ZNF709: variants seen among roughly 807,000 people sequenced by gnomAD.
ZNF709 encodes zinc finger protein 709.
Under a neutral mutation model 10.6 loss-of-function variants are expected in ZNF709, and 15 were observed. The observed-to-expected ratio is 1.41, with a 90% CI of 0.95 to 2.18. ZNF709 has a LOEUF of 2.18. Ranked by LOEUF, ZNF709 falls within the 30% of genes most tolerant of loss-of-function variation. The pLI, the probability that ZNF709 is intolerant of heterozygous loss-of-function variation, is 0.00. For synonymous variants in ZNF709, 194 were observed against 238.8 expected (o/e 0.81, Z 1.73); for missense variants, 589 against 774.0 (o/e 0.76, Z 2.84).
At chr19:12,478,577 T>C (rs1970694739) in intron 1 of ZNF709, among the ~76,000 whole-genome samples, 1 of 152,242 alleles carries the variant, frequency 6.6e-6, no homozygotes, top group South Asian at 2.1e-4. Flanking sequence ...TAACAATTCC[T>C]GTGTCGTTCC....
At position 12,464,807 on chromosome 19, in the gene ZNF709, G is replaced by C. The variant is rs745848959; in HGVS notation, c.1115C>G (p.Ala372Gly). 2.1e-5 allele frequency: 34 copies of C among 1,613,348 alleles called. No homozygotes were observed. The South Asian group carries it at 2.4e-4, about 11-fold the overall frequency. Residue 372 changes from alanine to glycine, a missense_variant, in exon 4 of 4, where the codon GCC (alanine) becomes GGC (glycine). By Grantham distance (60) the Ala-to-Gly change is moderately conservative (BLOSUM62 0). Transcript: ENST00000397732. Reference sequence around the variant, plus strand: ...TTGAAAAGAACTAGGACAATCAAAGGCTTTCCCACATTCCTTGCATTTATA... The same window carrying C: ...TTGAAAAGAACTAGGACAATCAAAGCCTTTCCCACATTCCTTGCATTTATA... ...GPYKCKECGK[A>G]FDCPSSFQIH...
chr19:12,482,996 G>A (rs997656018), intron 1 of ZNF709, among the ~76,000 whole-genome samples: 4 of 151,980 alleles, frequency 2.6e-5, no homozygotes, highest in Non-Finnish European at 5.9e-5. Context: ...TGAGGCAGGT[G>A]GATAACCTGA....
At chr19:12,466,695 A>C (rs1164477344) in intron 2 of ZNF709, 29 bp downstream of exon 2, 1 of 1,613,842 alleles carries the variant, frequency 6.2e-7, no homozygotes, top group Non-Finnish European at 8.5e-7. Flanking sequence ...TCTCTAATTG[A>C]CTAAGTGAGG....
At chr19:12,480,640 G>A (rs917538227) in intron 1 of ZNF709, among the ~76,000 whole-genome samples, 4 of 148,444 alleles carry the variant, frequency 2.7e-5, no homozygotes, top group East Asian at 2.0e-4. Context: ...CCGAGATCGC[G>A]CCACTGCACT....
intron 1 of ZNF709, among the ~76,000 whole-genome samples, chr19:12,476,827 A>G (rs955426585): frequency 6.6e-6 from 1 of 152,142 alleles, no homozygotes; most frequent in Non-Finnish European, 1.5e-5. Flanking sequence ...CTTATTTTAT[A>G]TATGGGGCAA....
intron 1 of ZNF709, among the ~76,000 whole-genome samples, chr19:12,467,797 C>A (rs529721064): frequency 6.6e-6 from 1 of 151,382 alleles, no homozygotes. Flanking sequence ...GCCGCGACCC[C>A]GTCTGGGAGG....
rs1423499328 is a variant in ZNF709, at chr19:12,466,863, A to C, written c.4-13T>G. On this transcript the variant is annotated splice_polypyrimidine_tract_variant and intron_variant, in intron 1 of 3. Coordinates refer to ENST00000397732, the MANE Select transcript of ZNF709 (RefSeq NM_152601.4). The stretch of plus-strand genomic sequence containing the variant: ...AGACCACTGAGTCCTGAAACATCCC[A>C]CATGTATAGGGGAGGATGGGTGAGA... 3 of 1,612,534 alleles carry C rather than the reference A, an allele frequency of 1.9e-6. No homozygotes were observed. The highest frequency in any genetic ancestry group is 2.5e-6 in the Non-Finnish European group (3 of 1,179,378).
intron 1 of ZNF709, among the ~76,000 whole-genome samples, chr19:12,478,100 G>A (rs371837153): frequency 2.7e-4 from 41 of 152,264 alleles, no homozygotes; most frequent in African/African-American, 9.4e-4. Flanking sequence ...AGGGTCCTTG[G>A]GAGCCCTGTG....
chr19:12,467,537 G>A (rs1157511257), intron 1 of ZNF709, among the ~76,000 whole-genome samples: 1 of 152,232 alleles, frequency 6.6e-6, no homozygotes, highest in East Asian at 1.9e-4. Context: ...AAAGTGCCGA[G>A]ACTGCAGCCT....
rs187566584 is a variant in ZNF709 at position 12,467,373 on chromosome 19, C to T, written c.4-523G>A. ...GGCCAGGCTGGTCTCCAGCTCCTAA[C>T]CATGAGTGATCTGCCAGCCTCGGCC... On this transcript the variant is annotated intron_variant, in intron 1 of 3. Transcript: ENST00000397732. 2.3e-4 allele frequency among the ~76,000 whole-genome samples: 35 copies of T among 152,346 alleles called. 1 individual carries two copies. The highest frequency in any genetic ancestry group is 2.2e-3 in the Admixed American group (33 of 15,312).
intron 1 of ZNF709, among the ~76,000 whole-genome samples, chr19:12,478,385 G>A (rs905584231): frequency 1.1e-4 from 17 of 152,166 alleles, no homozygotes; most frequent in Admixed American, 9.2e-4. Context: ...GCTAAACATA[G>A]AACCCAGACT....
In ZNF709 at chr19:12,463,290, TAAG is replaced by T. The variant is rs1970531908; in HGVS notation, c.*703_*705del. ...AAGGCTTTCTCACAATGTCTATATT[TAAG>T]AAGTCGCTTTCCAGTGTGAGTTTGT... On this transcript the variant is annotated 3_prime_UTR_variant, in exon 4 of 4. Coordinates refer to ENST00000397732, the MANE Select transcript of ZNF709 (RefSeq NM_152601.4). 6.6e-6 allele frequency: 1 copy of T among 152,238 alleles called. No homozygotes were observed. The highest frequency in any genetic ancestry group is 2.1e-4 in the South Asian group (1 of 4,832). 9.4% of individuals were successfully genotyped at this position (152,238 alleles called of 1,614,324 possible).
chr19:12,482,847 C>A (rs1970740366), intron 1 of ZNF709, among the ~76,000 whole-genome samples: 1 of 152,084 alleles, frequency 6.6e-6, no homozygotes, highest in Non-Finnish European at 1.5e-5. Flanking sequence ...TCGATTACAT[C>A]CCTTGGGAGA....
chr19:12,472,292 C>A (rs994604923), intron 1 of ZNF709, among the ~76,000 whole-genome samples: 4 of 151,916 alleles, frequency 2.6e-5, no homozygotes, highest in Admixed American at 1.3e-4. Context: ...GAGGCCAAGG[C>A]GGGTGGATCA....
chr19:12,482,208 C>G (rs1001609660), intron 1 of ZNF709, among the ~76,000 whole-genome samples: 2 of 151,752 alleles, frequency 1.3e-5, no homozygotes, highest in African/African-American at 4.8e-5. Flanking sequence ...CTCCCTCTCT[C>G]TCTCCCTCTC....
Position 12,464,180 on chromosome 19 carries a change from G to C in ZNF709, c.1742C>G (p.Thr581Ser), listed in dbSNP as rs763013437. 1 of 1,579,324 alleles carries C rather than the reference G, an allele frequency of 6.3e-7. No homozygotes were observed. The highest frequency in any genetic ancestry group is 8.6e-7 in the Non-Finnish European group (1 of 1,165,956). The change falls in exon 4 of 4, where the codon ACT (threonine) becomes AGT (serine). Residue 581 changes from threonine to serine, a missense_variant. This residue lies in a region of ZNF709 where 171 missense variants were observed against 277.7 expected (regional missense o/e 0.62). Transcript: ENST00000397732. The stretch of plus-strand genomic sequence containing the variant: ...TTCATAGGGTTTCACTCCAGTGTGA[G>C]TCCTTTCATGCATTCGAACAGAACT... ...CSSSVRMHER[T>S]HTGVKPYECK...
chr19:12,471,603 C>CA (rs1255229562), intron 1 of ZNF709, among the ~76,000 whole-genome samples: 1 of 152,002 alleles, frequency 6.6e-6, no homozygotes, highest in Non-Finnish European at 1.5e-5. Context: ...GCATGACACA[C>CA]AGAGAGCTAA....
intron 1 of ZNF709, among the ~76,000 whole-genome samples, chr19:12,478,408 A>T (rs1405427520): frequency 6.6e-6 from 1 of 152,234 alleles, no homozygotes; most frequent in Non-Finnish European, 1.5e-5. Flanking sequence ...GCAGGGCTCA[A>T]CATGCAGCAC....
chr19:12,482,681 G>A (rs1347212079), intron 1 of ZNF709, among the ~76,000 whole-genome samples: 4 of 152,118 alleles, frequency 2.6e-5, no homozygotes, highest in Non-Finnish European at 5.9e-5. Flanking sequence ...CTCAGGAAGG[G>A]CATCACTGGA....
Sources: allele counts gnomAD v4.1 joint callset (sites outside exome capture counted in the v4.1 genomes callset), GRCh38; gene constraint gnomAD v4.1.1; regional missense constraint gnomAD v4.1.1; transcripts MANE v1.5; gene names NCBI Gene and HGNC (gene_info 2026-07-23, HGNC 2026-07-21).